The following DNAH9 variants were observed in gnomAD, a reference collection of about 807,000 sequenced individuals.
DNAH9 encodes the protein dynein axonemal heavy chain 9.
Under a neutral mutation model 471.6 loss-of-function variants are expected in DNAH9, and 345 were observed. The ratio of observed to expected loss-of-function variants is 0.73; its 90% CI spans 0.67 to 0.80. The LOEUF is 0.80. Among genes scored for constraint, DNAH9 ranks in the 30% least tolerant of loss-of-function variants. The pLI is 0.00. For synonymous variants in DNAH9, 2,093 were observed against 2,123.6 expected, an observed-to-expected ratio of 0.99 and a Z score of 0.40; for missense variants, 5,407 against 5,609.2, an observed-to-expected ratio of 0.96 and a Z score of 1.15.
chr17:11,603,453 C>T (rs1020420923), intron 1 of DNAH9, among the ~76,000 whole-genome samples: 1 of 152,192 alleles, frequency 6.6e-6, no homozygotes, highest in African/African-American at 2.4e-5. Context: ...AGCATCTCTC[C>T]TTGTATCTTC....
chr17:11,969,170 G>A, intron 68 of DNAH9, 130 bp from the exon 69 acceptor site: 2 of 733,038 alleles, frequency 2.7e-6, no homozygotes, highest in Non-Finnish European at 4.5e-6. Context: ...AGAAAACCTG[G>A]AAGGGGGCAG....
chr17:11,660,402 A>G (rs1289919385), intron 14 of DNAH9, among the ~76,000 whole-genome samples: 1 of 147,860 alleles, frequency 6.8e-6, no homozygotes, highest in Non-Finnish European at 1.5e-5. Flanking sequence ...AACTTACTGC[A>G]ACCTGCGCTT....
At chr17:11,881,759 A>T (rs1011189541) in intron 55 of DNAH9, among the ~76,000 whole-genome samples, 2 of 152,018 alleles carry the variant, frequency 1.3e-5, no homozygotes, top group Non-Finnish European at 2.9e-5. Context: ...AATAAATATT[A>T]AAATTAACTG....
chr17:11,965,888 A>T (rs1203589276), intron 68 of DNAH9, among the ~76,000 whole-genome samples: 2 of 152,086 alleles, frequency 1.3e-5, no homozygotes, highest in Non-Finnish European at 2.9e-5. Context: ...AAAATCAGCA[A>T]ATTTAGAATC....
intron 38 of DNAH9, among the ~76,000 whole-genome samples, chr17:11,772,600 C>CA (rs1422296654): frequency 5.9e-5 from 9 of 152,230 alleles, no homozygotes; most frequent in Middle Eastern, 3.4e-3. Flanking sequence ...GTAGTGACTA[C>CA]AAAAAAATCT....
intron 67 of DNAH9, among the ~76,000 whole-genome samples, chr17:11,958,349 A>C (rs888309674): frequency 6.6e-6 from 1 of 152,222 alleles, no homozygotes; most frequent in Non-Finnish European, 1.5e-5. Flanking sequence ...GATACTTGTC[A>C]TATACTATAA....
In DNAH9 at chr17:11,923,852, CACA is replaced by C. The variant is rs1172891117; in HGVS notation, c.11791_11793del (p.Asn3931del). 8 of 1,614,092 alleles carry C rather than the reference CACA, an allele frequency of 5.0e-6. No individual in the cohort carries two copies. The highest frequency in any genetic ancestry group is 6.8e-6 in the Non-Finnish European group (8 of 1,179,990). ...ATACACCTTCAACAATCAGAACTTT[CACA>C]ACGTGTCTTTGGGGCAAGGACAGGA... On this transcript the variant is annotated inframe_deletion, in exon 62 of 69. Transcript: ENST00000262442.
At chr17:11,875,281 C>A in intron 53 of DNAH9, 97 bp downstream of exon 53, 1 of 889,136 alleles carries the variant, frequency 1.1e-6, no homozygotes, top group Non-Finnish European at 1.7e-6. Context: ...GGTTTGTACA[C>A]TCCTGGTCTC....
In DNAH9 at chr17:11,664,926, C is replaced by T. The variant is rs952338129; in HGVS notation, c.2689C>T (p.Leu897Phe). 2.5e-6 allele frequency: 4 copies of T among 1,613,054 alleles called. No homozygotes were observed. The African/African-American group carries it at 5.3e-5, about 22-fold the overall frequency. ...IDNLLLNGFF[L>F]AIECSLKYLL... ...CAATTTGTTGCTGAATGGATTCTTT[C>T]TTGCCATTGAGTGCTCCCTCAAGTA... The change falls in exon 15 of 69, where the codon CTT becomes TTT. Residue 897 changes from leucine (L) to phenylalanine (F), a missense_variant. By Grantham distance (22) the Leu-to-Phe change is conservative. Coordinates refer to ENST00000262442, the MANE Select transcript of DNAH9 (RefSeq NM_001372.4).
In DNAH9 at chr17:11,793,756, T is replaced by G. The variant is rs887471411; in HGVS notation, c.8223+92T>G. On this transcript the variant is annotated intron_variant, in intron 42 of 68. Coordinates refer to ENST00000262442, the MANE Select transcript of DNAH9 (RefSeq NM_001372.4). Reference sequence around the variant, plus strand: ...CCAATGATAAAATCTAGCTGTTTAATGGAGAAAGGCCAGAGTTTAGGTGAG... The same window carrying G: ...CCAATGATAAAATCTAGCTGTTTAAGGGAGAAAGGCCAGAGTTTAGGTGAG... 17 of 1,131,632 alleles carry G rather than the reference T, an allele frequency of 1.5e-5. No individual in the cohort carries two copies. The African/African-American group carries it at 1.7e-4, about 12-fold the overall frequency. The allele number at this position is 1,131,632 out of a possible 1,614,324, so 70.1% of individuals were successfully genotyped here.
At chr17:11,613,387 C>T (rs1008248611) in intron 4 of DNAH9, among the ~76,000 whole-genome samples, 5 of 152,068 alleles carry the variant, frequency 3.3e-5, no homozygotes, top group Admixed American at 2.6e-4. Context: ...TTTGGGAGGC[C>T]GAGGCGGACA....
chr17:11,744,563 C>T (rs1408154032), intron 30 of DNAH9, among the ~76,000 whole-genome samples: 1 of 152,158 alleles, frequency 6.6e-6, no homozygotes, highest in Non-Finnish European at 1.5e-5. Flanking sequence ...TTTGACCCCC[C>T]ACATCATTTG....
intron 27 of DNAH9, among the ~76,000 whole-genome samples, chr17:11,722,172 A>G (rs139116546): frequency 2.0e-5 from 3 of 152,310 alleles, no homozygotes; most frequent in African/African-American, 7.2e-5. Flanking sequence ...ACTCACAGCA[A>G]TATACTCTGT....
At position 11,847,573 on chromosome 17, in the gene DNAH9, T is replaced by C. The variant is rs187734827; in HGVS notation, c.9508-6430T>C. Among the ~76,000 whole-genome samples, 3 of 152,314 alleles carry C rather than the reference T, an allele frequency of 2.0e-5. No homozygotes were observed. In the East Asian group the frequency reaches 5.8e-4, roughly 29 times the overall value. On this transcript the variant is annotated intron_variant, in intron 49 of 68. Transcript: ENST00000262442. ...TCTATTCTGTTCCATTGGTCTGGTC[T>C]ATGTGTCTGTTTTGGTACCAGTGCC...
intron 19 of DNAH9, among the ~76,000 whole-genome samples, chr17:11,686,051 G>A (rs543737868): frequency 2.6e-5 from 4 of 152,012 alleles, no homozygotes; most frequent in South Asian, 2.1e-4. Context: ...TGATCCACCC[G>A]CCTCGGCCTC....
intron 52 of DNAH9, among the ~76,000 whole-genome samples, chr17:11,874,098 A>T (rs2150988136): frequency 6.6e-6 from 1 of 152,158 alleles, no homozygotes; most frequent in South Asian, 2.1e-4. Context: ...CACAAAAATT[A>T]GCTGGGTGTG....
chr17:11,747,257 T>C (rs1966917599), intron 31 of DNAH9, among the ~76,000 whole-genome samples: 1 of 152,218 alleles, frequency 6.6e-6, no homozygotes, highest in African/African-American at 2.4e-5. Context: ...CACATGACTT[T>C]CTTCTCCATC....
intron 53 of DNAH9, among the ~76,000 whole-genome samples, chr17:11,876,581 C>T (rs1390371275): frequency 6.6e-6 from 1 of 152,166 alleles, no homozygotes; most frequent in Admixed American, 6.5e-5. Context: ...TATGATTCCT[C>T]TCATCCAAGG....
chr17:11,810,139 C>A, intron 44 of DNAH9, 107 bp from the exon 45 acceptor site: 1 of 1,356,588 alleles, frequency 7.4e-7, no homozygotes, highest in Non-Finnish European at 9.9e-7. Context: ...TACTTTAATT[C>A]CCATTCAAGC....
Sources: allele counts gnomAD v4.1 joint callset (sites outside exome capture counted in the v4.1 genomes callset), GRCh38; gene constraint gnomAD v4.1.1; transcripts MANE v1.5; gene names NCBI Gene and HGNC (gene_info 2026-07-23, HGNC 2026-07-21).